Variants in AGMO observed in about 807,000 individuals in gnomAD.
AGMO encodes glyceryl-ether monooxygenase.
A neutral mutation model predicts 60.2 loss-of-function variants in AGMO; 75 were observed. The ratio of observed to expected loss-of-function variants is 1.25; its 90% CI spans 1.03 to 1.51. The LOEUF (loss-of-function observed/expected upper bound fraction) is 1.51. Ranked by LOEUF, AGMO falls within the 40% of genes most tolerant of loss-of-function variation. AGMO has a pLI of 0.00. For missense variants in AGMO, 763 were observed against 525.5 expected, an observed-to-expected ratio of 1.45 and a Z score of -4.42; for synonymous variants, 261 against 177.1, an observed-to-expected ratio of 1.47 and a Z score of -3.76.
intron 12 of AGMO, among the ~76,000 whole-genome samples, chr7:15,305,416 T>C (rs1380738039): frequency 2.0e-5 from 3 of 151,986 alleles, no homozygotes; most frequent in African/African-American, 7.2e-5. Context: ...TTTCCGTGCA[T>C]CTGGGTTCAC....
intron 12 of AGMO, among the ~76,000 whole-genome samples, chr7:15,308,445 T>C (rs1780676906): frequency 6.6e-6 from 1 of 152,170 alleles, no homozygotes; most frequent in Non-Finnish European, 1.5e-5. Flanking sequence ...TCTTACAGCG[T>C]TTGCTTACTA....
At chr7:15,334,938 CTATTT>C (rs1487974824) in intron 12 of AGMO, among the ~76,000 whole-genome samples, 4 of 152,060 alleles carry the variant, frequency 2.6e-5, no homozygotes, top group Non-Finnish European at 4.4e-5. Context: ...TTTACTGGCT[CTATTT>C]TAGTCAGAAA....
At chr7:15,352,447 GT>G (rs564021801) in intron 12 of AGMO, among the ~76,000 whole-genome samples, 1,975 of 135,272 alleles carry the variant, frequency 0.015, 28 homozygotes, top group East Asian at 0.072. Context: ...CCAGAAGTAT[GT>G]TTTTTTTTTT....
At chr7:15,531,207 CTATATAT>C in intron 3 of AGMO, among the ~76,000 whole-genome samples, 3 of 62,994 alleles carry the variant, frequency 4.8e-5, no homozygotes, top group Non-Finnish European at 8.2e-5. Flanking sequence ...TATATATATT[CTATATAT>C]TCTATATATA....
rs79495875 is a variant in AGMO, at chr7:15,472,205, T to G, written c.410-41097A>C. Among the ~76,000 whole-genome samples, 6 of 152,004 alleles carry G rather than the reference T, an allele frequency of 3.9e-5. No individual in the cohort carries two copies. The East Asian group carries it at 1.2e-3, about 29-fold the overall frequency. The stretch of plus-strand genomic sequence containing the variant: ...CAGTGCTGTGAGTTCCTGTCAACCT[T>G]TGGGTTGAAGTTCTGGCTCAGCGAT... On this transcript the variant is annotated intron_variant, in intron 3 of 12. Transcript: ENST00000342526.
intron 12 of AGMO, among the ~76,000 whole-genome samples, chr7:15,301,316 G>A (rs1435312625): frequency 6.6e-6 from 1 of 152,070 alleles, no homozygotes; most frequent in Non-Finnish European, 1.5e-5. Flanking sequence ...GCACATGCCT[G>A]TAATCCCAGC....
intron 12 of AGMO, among the ~76,000 whole-genome samples, chr7:15,324,248 T>C (rs4236284): frequency 0.77 from 116,312 of 151,996 alleles, 44,979 homozygotes; most frequent in East Asian, 0.96. Flanking sequence ...TGTGCCATAG[T>C]TGAGACAGAA....
chr7:15,348,165 C>A (rs1458257182), intron 12 of AGMO, among the ~76,000 whole-genome samples: 1 of 152,002 alleles, frequency 6.6e-6, no homozygotes. Context: ...CCAAAAGGAA[C>A]AGTTTAGCAC....
intron 12 of AGMO, among the ~76,000 whole-genome samples, chr7:15,317,886 CG>C (rs904214060): frequency 6.9e-5 from 10 of 145,916 alleles, no homozygotes; most frequent in Non-Finnish European, 1.2e-4. Context: ...TATATACACA[CG>C]TATATATATA....
chr7:15,471,881 G>C (rs540623897), intron 3 of AGMO, among the ~76,000 whole-genome samples: 1 of 151,816 alleles, frequency 6.6e-6, no homozygotes, highest in South Asian at 2.1e-4. Flanking sequence ...TCTCTGAGGA[G>C]GAAAGAAACA....
At chr7:15,306,256 T>C (rs77824396) in intron 12 of AGMO, 2,818 of 239,644 alleles carry the variant, frequency 0.012, 95 homozygotes, top group African/African-American at 0.063. Context: ...TTGAAGGTCT[T>C]TTTTTATTTC....
At chr7:15,436,179 G>A (rs36101478) in intron 3 of AGMO, among the ~76,000 whole-genome samples, 70,494 of 152,050 alleles carry the variant, frequency 0.46, 16,380 homozygotes, top group Middle Eastern at 0.56. Context: ...CATATTGTAC[G>A]ATGACTATAG....
intron 5 of AGMO, among the ~76,000 whole-genome samples, chr7:15,401,822 T>C (rs1341867767): frequency 6.6e-6 from 1 of 152,190 alleles, no homozygotes; most frequent in Non-Finnish European, 1.5e-5. Context: ...CAAGATGATA[T>C]GCTAAATGCT....
At chr7:15,234,796 T>C (rs1254961044) in intron 12 of AGMO, among the ~76,000 whole-genome samples, 1 of 152,216 alleles carries the variant, frequency 6.6e-6, no homozygotes, top group African/African-American at 2.4e-5. Flanking sequence ...TCATTTCATA[T>C]GTCACTGAAT....
chr7:15,417,511 C>G (rs893635441), intron 5 of AGMO, among the ~76,000 whole-genome samples: 1 of 152,160 alleles, frequency 6.6e-6, no homozygotes, highest in South Asian at 2.1e-4. Flanking sequence ...AAGCTTCCCT[C>G]CACTGATTTA....
At chr7:15,120,585 A>C in the AGMO span, among the ~76,000 whole-genome samples, 1 of 152,232 alleles carries the variant, frequency 6.6e-6, no homozygotes, top group Middle Eastern at 3.4e-3. Context: ...ACACATCCAG[A>C]AGAAGGTCTT....
At chr7:15,462,947 T>A (rs1190610294) in intron 3 of AGMO, among the ~76,000 whole-genome samples, 1 of 152,120 alleles carries the variant, frequency 6.6e-6, no homozygotes, top group African/African-American at 2.4e-5. Context: ...AACGTCAGGT[T>A]GTTTGGATTC....
At chr7:15,330,061 TCTTTTTTC>T (rs766707372) in intron 12 of AGMO, among the ~76,000 whole-genome samples, 3 of 151,520 alleles carry the variant, frequency 2.0e-5, no homozygotes, top group African/African-American at 4.8e-5. Flanking sequence ...AGAATTATTT[TCTTTTTTC>T]TTTCTATCTC....
chr7:15,459,609 G>GTGTGTGTGTGTGTGTGTGTGTC (rs1782089727), intron 3 of AGMO, among the ~76,000 whole-genome samples: 1 of 151,482 alleles, frequency 6.6e-6, no homozygotes, highest in African/African-American at 2.4e-5. Context: ...TTGTGTGTGT[G>GTGTGTGTGTGTGTGTGTGTGTC]TGTGTGTGTG....
Sources: allele counts gnomAD v4.1 joint callset (sites outside exome capture counted in the v4.1 genomes callset), GRCh38; gene constraint gnomAD v4.1.1; transcripts MANE v1.5; gene names NCBI Gene and HGNC (gene_info 2026-07-23, HGNC 2026-07-21).